ZNF722: variants seen among roughly 807,000 people sequenced by gnomAD.
The protein encoded by ZNF722 is zinc finger protein 479 pseudogene.
the ZNF722 span, chr7:64,015,046 C>A: frequency 5.9e-6 from 8 of 1,345,038 alleles, no homozygotes; most frequent in East Asian, 1.8e-4. Context: ...TCTCATTTCA[C>A]CCAAGACCTT....
chr7:64,006,544 A>G, the ZNF722 span, among the ~76,000 whole-genome samples: 20 of 152,224 alleles, frequency 1.3e-4, no homozygotes, highest in Non-Finnish European at 2.5e-4. Context: ...CTTCAAGTTC[A>G]CAGTGTGAGC....
chr7:64,006,463 T>A, the ZNF722 span: 1 of 561,424 alleles, frequency 1.8e-6, no homozygotes, highest in Non-Finnish European at 3.0e-6. Flanking sequence ...TCTTTTGCTC[T>A]CACATAGGGA....
At chr7:64,015,053 C>T in the ZNF722 span, 3 of 1,353,084 alleles carry the variant, frequency 2.2e-6, no homozygotes, top group Admixed American at 3.4e-5. Context: ...TCACCCAAGA[C>T]CTTCATCCAG....
chr7:64,009,971 G>C, the ZNF722 span, among the ~76,000 whole-genome samples: 1 of 152,146 alleles, frequency 6.6e-6, no homozygotes, highest in Admixed American at 6.6e-5. Flanking sequence ...TTAGTCTTGG[G>C]AGGGTGTATG....
chr7:64,001,675 A>G, the ZNF722 span, among the ~76,000 whole-genome samples: 9 of 152,262 alleles, frequency 5.9e-5, no homozygotes, highest in South Asian at 4.1e-4. Flanking sequence ...GCTTTTCTCA[A>G]TGTTTAAACA....
the ZNF722 span, among the ~76,000 whole-genome samples, chr7:64,002,519 GT>G: frequency 3.3e-5 from 5 of 152,082 alleles, no homozygotes; most frequent in Non-Finnish European, 7.4e-5. Flanking sequence ...CATTTCATAT[GT>G]TTTTTGTGGT....
the ZNF722 span, among the ~76,000 whole-genome samples, chr7:64,010,456 T>C: frequency 1.3e-5 from 2 of 152,194 alleles, no homozygotes; most frequent in Non-Finnish European, 2.9e-5. Context: ...TTGTTCTCAT[T>C]GGTTTCAAAG....
chr7:64,006,733 T>G, the ZNF722 span, among the ~76,000 whole-genome samples: 1 of 152,074 alleles, frequency 6.6e-6, no homozygotes, highest in African/African-American at 2.4e-5. Context: ...TTGGTGGTTG[T>G]CCATTTTTCT....
chr7:64,010,626 G>C, the ZNF722 span, among the ~76,000 whole-genome samples: 1 of 152,240 alleles, frequency 6.6e-6, no homozygotes, highest in East Asian at 1.9e-4. Flanking sequence ...TGTGATTTCT[G>C]TTCTTTTACA....
the ZNF722 span, among the ~76,000 whole-genome samples, chr7:64,006,557 G>A: frequency 6.6e-6 from 1 of 152,174 alleles, no homozygotes; most frequent in Non-Finnish European, 1.5e-5. Context: ...GTGTGAGCCA[G>A]AGTTTTCTTT....
At chr7:64,004,171 C>T in the ZNF722 span, among the ~76,000 whole-genome samples, 2 of 150,924 alleles carry the variant, frequency 1.3e-5, no homozygotes, top group Non-Finnish European at 2.9e-5. Context: ...GAGGCCAAGG[C>T]AGGCGGATCA....
the ZNF722 span, among the ~76,000 whole-genome samples, chr7:64,005,274 T>C: frequency 1.3e-5 from 2 of 151,874 alleles, no homozygotes; most frequent in Non-Finnish European, 2.9e-5. Flanking sequence ...CATTCCAGCT[T>C]GGGCAACAGA....
chr7:64,001,662 A>G, the ZNF722 span, among the ~76,000 whole-genome samples: 1 of 152,176 alleles, frequency 6.6e-6, no homozygotes, highest in Non-Finnish European at 1.5e-5. Flanking sequence ...AAAATGCCAA[A>G]CTGCTTTTCT....
At chr7:64,010,315 G>T in the ZNF722 span, among the ~76,000 whole-genome samples, 1 of 152,020 alleles carries the variant, frequency 6.6e-6, no homozygotes, top group African/African-American at 2.4e-5. Flanking sequence ...TGCTTCTCTA[G>T]TTCCTTTAAT....
chr7:64,011,914 A>C, the ZNF722 span, among the ~76,000 whole-genome samples: 1 of 152,234 alleles, frequency 6.6e-6, no homozygotes, highest in South Asian at 2.1e-4. Context: ...GTCTTTTCAC[A>C]TAGTCCCATA....
the ZNF722 span, among the ~76,000 whole-genome samples, chr7:64,009,099 C>G: frequency 1.3e-5 from 2 of 151,006 alleles, no homozygotes; most frequent in South Asian, 4.1e-4. Flanking sequence ...GGTTTTGTAT[C>G]TTGAGACTTT....
the ZNF722 span, chr7:64,015,931 T>G: frequency 7.0e-7 from 1 of 1,428,026 alleles, no homozygotes. Flanking sequence ...TGTGGCAAAT[T>G]CTAGCCCTCA....
the ZNF722 span, chr7:64,006,085 A>T: frequency 1.9e-6 from 1 of 532,554 alleles, no homozygotes; most frequent in South Asian, 4.5e-5. Context: ...ATATTTTCTA[A>T]ATATGTAGAA....
the ZNF722 span, among the ~76,000 whole-genome samples, chr7:64,003,753 A>G: frequency 6.6e-6 from 1 of 152,204 alleles, no homozygotes; most frequent in Non-Finnish European, 1.5e-5. Context: ...CTCACTACAA[A>G]TTTATGACCT....
Sources: gnomAD v4.1 joint callset for allele counts (sites outside exome capture counted in the v4.1 genomes callset) on GRCh38, gnomAD v4.1.1 for gene constraint, MANE v1.5 for transcripts, NCBI Gene and HGNC (gene_info 2026-07-23, HGNC 2026-07-21) for gene names.